Variants in GHRH observed in about 807,000 individuals in gnomAD.
GHRH encodes somatoliberin.
A neutral mutation model predicts 15.6 loss-of-function variants in GHRH; 7 were observed. The observed-to-expected ratio is 0.45, with a 90% CI of 0.26 to 0.84. GHRH has a LOEUF of 0.84. GHRH is among the 40% of genes least tolerant of loss of function. The pLI, the probability that GHRH is intolerant of heterozygous loss-of-function variation, is 0.18. For synonymous variants in GHRH, 54 were observed against 50.4 expected (o/e 1.07, Z -0.30); for missense variants, 117 against 138.0 (o/e 0.85, Z 0.76).
intron 1 of GHRH, among the ~76,000 whole-genome samples, chr20:37,261,085 A>T (rs1265240850): frequency 6.6e-6 from 1 of 152,194 alleles, no homozygotes; most frequent in Non-Finnish European, 1.5e-5. Context: ...TAAGTTTTTA[A>T]TGAGGAAGCA....
At chr20:37,255,390 A>G (rs112164689) in intron 3 of GHRH, among the ~76,000 whole-genome samples, 42 of 152,142 alleles carry the variant, frequency 2.8e-4, no homozygotes, top group African/African-American at 8.7e-4. Context: ...CCAGGGCGCA[A>G]TGGCTCACAC....
chr20:37,257,057 G>A (rs1382437375), intron 1 of GHRH, 149 bp from the exon 2 acceptor site: 10 of 627,082 alleles, frequency 1.6e-5, no homozygotes, highest in East Asian at 2.9e-5. Context: ...GACACTGGAA[G>A]TCAGACAGAC....
chr20:37,253,549 C>T (rs2068635463), intron 4 of GHRH, among the ~76,000 whole-genome samples: 2 of 152,166 alleles, frequency 1.3e-5, no homozygotes, highest in South Asian at 4.1e-4. Context: ...GGATAAGATG[C>T]GGTCTCCATC....
At chr20:37,260,521 G>A (rs2068682439) in intron 1 of GHRH, among the ~76,000 whole-genome samples, 1 of 152,118 alleles carries the variant, frequency 6.6e-6, no homozygotes, top group African/African-American at 2.4e-5. Context: ...GGAGGTTAAG[G>A]CTGCAGTGAT....
intron 3 of GHRH, among the ~76,000 whole-genome samples, chr20:37,255,660 CAAAAA>C (rs61126074): frequency 4.1e-4 from 6 of 14,706 alleles, no homozygotes; most frequent in South Asian, 2.7e-3. Flanking sequence ...GACTCCATCT[CAAAAA>C]AAAAAAAAAA....
intron 4 of GHRH, among the ~76,000 whole-genome samples, chr20:37,253,225 G>C (rs1397141769): frequency 6.6e-6 from 1 of 152,152 alleles, no homozygotes; most frequent in Non-Finnish European, 1.5e-5. Flanking sequence ...TTCCTCCTCT[G>C]TAGACTCCCA....
At position 37,258,982 on chromosome 20, in the gene GHRH, C is replaced by G. The variant is rs2068673435; in HGVS notation, c.-19-2074G>C. Among the ~76,000 whole-genome samples the G allele has an allele frequency of 6.6e-6, 1 of 152,122 alleles. No individual in the cohort carries two copies. The highest frequency in any genetic ancestry group is 1.5e-5 in the Non-Finnish European group (1 of 68,026). ...TTCAAACCCCCGGGCTTAAGTGATC[C>G]CCCCGCCTCAGCCTCCCAAAGAGTT... is the stretch of plus-strand genomic sequence containing the variant. On this transcript the variant is annotated intron_variant, in intron 1 of 4. Transcript: ENST00000373614. The surrounding 1 kb of genome is among the most constrained non-coding windows in gnomAD (Gnocchi z 4.1).
At chr20:37,251,489 C>T (rs540883730) in intron 4 of GHRH, among the ~76,000 whole-genome samples, 1 of 152,242 alleles carries the variant, frequency 6.6e-6, no homozygotes, top group African/African-American at 2.4e-5. Context: ...GAAGCTTCCT[C>T]TAATCCCCAG....
intron 3 of GHRH, among the ~76,000 whole-genome samples, chr20:37,255,706 A>G (rs1410772795): frequency 6.6e-6 from 1 of 150,560 alleles, no homozygotes; most frequent in African/African-American, 2.5e-5. Flanking sequence ...ACCCTGTACA[A>G]TGGGGATAAG....
At position 37,258,047 on chromosome 20, in the gene GHRH, G is replaced by C. The variant is rs533666891; in HGVS notation, c.-19-1139C>G. Among the ~76,000 whole-genome samples the C allele has an allele frequency of 2.1e-3, 322 of 152,304 alleles. 1 individual carries two copies. Among genetic ancestry groups the C allele is most frequent in the Middle Eastern group, 6.8e-3 (2 of 294 alleles). ...CCAGTGTGGCGCAGTCATCTCATAGGTCCTGTAACTACCCTTAATTGGGGC... is the reference window on the plus strand; with the variant it reads ...CCAGTGTGGCGCAGTCATCTCATAGCTCCTGTAACTACCCTTAATTGGGGC... On this transcript the variant is annotated intron_variant, in intron 1 of 4. Transcript: ENST00000373614. The surrounding 1 kb of genome is among the most constrained non-coding windows in gnomAD (Gnocchi z 4.1).
Position 37,254,271 on chromosome 20 carries a change from A to T in GHRH, c.247T>A (p.Trp83Arg). The change falls in exon 4 of 5, where the codon TGG becomes AGG. Residue 83 changes from tryptophan to arginine, a missense_variant. Transcript: ENST00000373614. Reference sequence around the variant, plus strand: ...AATTCCATTTGCTTTTGTTCTGCCCACATGCTGTCTACCTGACGACCAAGC... The same window carrying T: ...AATTCCATTTGCTTTTGTTCTGCCCTCATGCTGTCTACCTGACGACCAAGC... ...ARLGRQVDSM[W>R]AEQKQMELES... is the part of the protein sequence containing the mutation. The T allele has an allele frequency of 6.2e-7, 1 of 1,614,134 alleles. No homozygotes were observed. The highest frequency in any genetic ancestry group is 8.5e-7 in the Non-Finnish European group (1 of 1,179,976).
At chr20:37,251,380 C>T (rs983997815) in intron 4 of GHRH, 149 bp from the exon 5 acceptor site, 5 of 592,884 alleles carry the variant, frequency 8.4e-6, no homozygotes, top group East Asian at 3.1e-5. Context: ...GGGAAGGATG[C>T]GCAAGCATGC....
chr20:37,254,352 C>T (rs1477275453), intron 3 of GHRH, 23 bp from the exon 4 acceptor site: 4 of 1,613,982 alleles, frequency 2.5e-6, no homozygotes, highest in Admixed American at 1.7e-5. Flanking sequence ...AAAAAGAGAA[C>T]TAGTTGCTAT....
intron 1 of GHRH, among the ~76,000 whole-genome samples, chr20:37,259,962 A>G (rs529741417): frequency 4.3e-4 from 66 of 152,276 alleles, no homozygotes; most frequent in African/African-American, 1.5e-3. Flanking sequence ...GAAAAAAAGG[A>G]AAGCTTCTTG....
chr20:37,251,122 T>G lies in GHRH; in HGVS notation c.*91A>C, dbSNP rs905015858. On this transcript the variant is annotated 3_prime_UTR_variant, in exon 5 of 5. Transcript: ENST00000373614. The stretch of plus-strand genomic sequence containing the variant: ...ACCGGTATGGGGGAATTTTATTGTA[T>G]TTTCAAAGGAAAAAGTGGGTCAGAA... The G allele has an allele frequency of 5.9e-6, 5 of 847,174 alleles. No individual in the cohort carries two copies. Among genetic ancestry groups the G allele is most frequent in the African/African-American group, 1.7e-5 (1 of 57,842 alleles). 52.5% of individuals were successfully genotyped at this position (847,174 alleles called of 1,614,324 possible).
At chr20:37,253,609 T>C (rs1193806186) in intron 4 of GHRH, among the ~76,000 whole-genome samples, 1 of 152,162 alleles carries the variant, frequency 6.6e-6, no homozygotes, top group Non-Finnish European at 1.5e-5. Flanking sequence ...TATTGATTGA[T>C]TGATTGACTG....
At chr20:37,252,724 G>A (rs1019394144) in intron 4 of GHRH, among the ~76,000 whole-genome samples, 2 of 151,856 alleles carry the variant, frequency 1.3e-5, no homozygotes, top group African/African-American at 2.4e-5. Flanking sequence ...CCAGCATGGT[G>A]AAACCCCATC....
chr20:37,254,427 T>C (rs192388084), intron 3 of GHRH, 98 bp from the exon 4 acceptor site: 8 of 1,244,180 alleles, frequency 6.4e-6, no homozygotes, highest in African/African-American at 4.4e-5. Context: ...GTGTGGACTC[T>C]TCTACCCAAC....
intron 3 of GHRH, 109 bp downstream of exon 3, chr20:37,256,285 T>C: frequency 1.6e-6 from 1 of 625,480 alleles, no homozygotes; most frequent in Non-Finnish European, 2.7e-6. Flanking sequence ...AAATGACACT[T>C]GCTGTGCCAA....
Sources: gnomAD v4.1 joint callset for allele counts (sites outside exome capture counted in the v4.1 genomes callset) on GRCh38, gnomAD v4.1.1 for gene constraint, Gnocchi (gnomAD v3.1) non-coding constraint, MANE v1.5 for transcripts, NCBI Gene and HGNC (gene_info 2026-07-23, HGNC 2026-07-21) for gene names.